The following SPATA13 variants were observed in gnomAD, a reference collection of about 807,000 sequenced individuals.
SPATA13 encodes spermatogenesis-associated protein 13.
In SPATA13, 50 loss-of-function variants were observed where a neutral mutation model predicts 104.0. That is an observed-to-expected ratio of 0.48 (90% CI 0.38 to 0.61). The LOEUF (loss-of-function observed/expected upper bound fraction) is 0.61. SPATA13 is among the 20% of genes least tolerant of loss of function. The pLI, the probability that SPATA13 is intolerant of heterozygous loss-of-function variation, is 0.00. For synonymous variants in SPATA13, 606 were observed against 667.5 expected, an observed-to-expected ratio of 0.91 and a Z score of 1.42; for missense variants, 1,524 against 1,690.6, an observed-to-expected ratio of 0.90 and a Z score of 1.73.
intron 3 of SPATA13, chr13:24,122,886 T>G: frequency 1.3e-6 from 1 of 774,460 alleles, no homozygotes; most frequent in Non-Finnish European, 2.4e-6. Flanking sequence ...AGGAACGACC[T>G]GTAAGCAGAT....
chr13:24,270,515 C>T (rs1301880810), intron 4 of SPATA13, among the ~76,000 whole-genome samples: 2 of 152,222 alleles, frequency 1.3e-5, no homozygotes, highest in Non-Finnish European at 2.9e-5. Context: ...AAGCAGCACA[C>T]ACCATTTCTC....
chr13:24,013,473 G>A (rs186054128), intron 2 of SPATA13, among the ~76,000 whole-genome samples: 229 of 152,326 alleles, frequency 1.5e-3, no homozygotes, highest in Middle Eastern at 0.01. Context: ...CTTGGGGACA[G>A]TGCCCAGGAT....
chr13:24,177,328 T>G (rs987391566), intron 1 of SPATA13, among the ~76,000 whole-genome samples: 2 of 152,188 alleles, frequency 1.3e-5, no homozygotes, highest in Non-Finnish European at 2.9e-5. Context: ...AATTATAAAT[T>G]TATTTCTTAC....
rs1877517545 is a variant in SPATA13 at position 24,032,430 on chromosome 13, T to G, written c.-112+14729T>G. ...TTAAACAGTCCACATGGTATTATTCTTAACAACCACTCATATGGCATTAGG... is the reference window on the plus strand; with the variant it reads ...TTAAACAGTCCACATGGTATTATTCGTAACAACCACTCATATGGCATTAGG... On this transcript the variant is annotated intron_variant, in intron 3 of 14. Transcript: ENST00000424834. Among the ~76,000 whole-genome samples the G allele has an allele frequency of 2.0e-5, 3 of 152,366 alleles. No individual in the cohort carries two copies. In the South Asian group the frequency reaches 6.2e-4, roughly 32 times the overall value.
chr13:24,173,113 C>T (rs553265366), intron 1 of SPATA13, among the ~76,000 whole-genome samples: 101 of 152,082 alleles, frequency 6.6e-4, no homozygotes, highest in Non-Finnish European at 1.0e-3. Flanking sequence ...AGTCTTGCTC[C>T]GTCATCCAGG....
In SPATA13 at chr13:24,088,902, C is replaced by T. The variant is rs1025684120; in HGVS notation, c.-112+71201C>T. Among the ~76,000 whole-genome samples the T allele has an allele frequency of 6.6e-6, 1 of 152,182 alleles. No homozygotes were observed. The highest frequency in any genetic ancestry group is 1.5e-5 in the Non-Finnish European group (1 of 68,042). ...GCAAGGGCTCCTGGGTCCACTGGTT[C>T]CTGTGCAGCAGGCAAAAGAGGTGGA... On this transcript the variant is annotated intron_variant, in intron 3 of 14. Transcript: ENST00000424834. This position sits in a 1 kb window ranked among gnomAD's most constrained non-coding sequence, Gnocchi z 4.3.
intron 4 of SPATA13, among the ~76,000 whole-genome samples, chr13:24,267,017 C>T (rs1566180664): frequency 6.6e-6 from 1 of 152,148 alleles, no homozygotes; most frequent in East Asian, 1.9e-4. Context: ...TCTTACTGAT[C>T]TGGTAAATGT....
intron 2 of SPATA13, among the ~76,000 whole-genome samples, chr13:24,013,904 T>C (rs1445241221): frequency 6.6e-6 from 1 of 152,136 alleles, no homozygotes; most frequent in Non-Finnish European, 1.5e-5. Flanking sequence ...GAGCAGGTAA[T>C]GGACTGTAGG....
At chr13:24,225,182 C>CT (rs1413271733) in intron 2 of SPATA13, among the ~76,000 whole-genome samples, 3 of 152,256 alleles carry the variant, frequency 2.0e-5, no homozygotes, top group African/African-American at 7.2e-5. Flanking sequence ...GATCCCATGC[C>CT]TGCCAAGGGC....
rs901519615 is a variant in SPATA13 at position 24,281,480 on chromosome 13, C to G, written c.2165-2655C>G. On this transcript the variant is annotated intron_variant, in intron 4 of 12. Coordinates refer to ENST00000382108, the MANE Select transcript of SPATA13 (RefSeq NM_001166271.3). ...CAAGGTTCCCTGGCTGTCGCGGTGT[C>G]CGGCGCACCTGTCTGGGTGGTTTCA... Among the ~76,000 whole-genome samples, 4 of 152,314 alleles carry G rather than the reference C, an allele frequency of 2.6e-5. No individual in the cohort carries two copies. In the East Asian group the frequency reaches 7.7e-4, roughly 29 times the overall value.
At chr13:24,191,132 ATTAAT>A (rs1869711634) in intron 1 of SPATA13, among the ~76,000 whole-genome samples, 1 of 152,130 alleles carries the variant, frequency 6.6e-6, no homozygotes, top group Non-Finnish European at 1.5e-5. Flanking sequence ...TATTAATTAA[ATTAAT>A]TAATTATTAT....
chr13:24,089,742 G>A (rs191561073), intron 3 of SPATA13, among the ~76,000 whole-genome samples: 22 of 152,254 alleles, frequency 1.4e-4, no homozygotes, highest in African/African-American at 5.1e-4. Flanking sequence ...ACCCATTTCT[G>A]CTGCCATAAC....
intron 2 of SPATA13, among the ~76,000 whole-genome samples, chr13:24,230,089 G>A (rs1387514707): frequency 6.6e-6 from 1 of 152,154 alleles, no homozygotes; most frequent in Non-Finnish European, 1.5e-5. Flanking sequence ...TTGGGCATGT[G>A]TGCAGAGATA....
chr13:24,086,093 G>A (rs904105332), intron 3 of SPATA13, among the ~76,000 whole-genome samples: 4 of 152,150 alleles, frequency 2.6e-5, no homozygotes, highest in East Asian at 1.9e-4. Context: ...CTGGAGAAAC[G>A]GTCAAATGGC....
chr13:24,263,692 A>G (rs1874166848), intron 4 of SPATA13, among the ~76,000 whole-genome samples: 1 of 152,250 alleles, frequency 6.6e-6, no homozygotes, highest in African/African-American at 2.4e-5. Context: ...AAGTCTGTAC[A>G]TATTCAGTAC....
intron 3 of SPATA13, among the ~76,000 whole-genome samples, chr13:24,020,534 C>A (rs1344427461): frequency 6.6e-6 from 1 of 152,170 alleles, no homozygotes; most frequent in African/African-American, 2.4e-5. Flanking sequence ...GAACCTTAAA[C>A]GAATTGTATT....
intron 3 of SPATA13, among the ~76,000 whole-genome samples, chr13:24,101,686 A>C (rs959726791): frequency 5.3e-5 from 8 of 152,188 alleles, no homozygotes; most frequent in African/African-American, 1.9e-4. Flanking sequence ...GTCTCTACTA[A>C]TCCGTAGAAG....
At chr13:24,123,034 T>G (rs1365077294) in intron 3 of SPATA13, 8 of 941,374 alleles carry the variant, frequency 8.5e-6, no homozygotes, top group Non-Finnish European at 1.4e-5. Context: ...ATTACTTGGT[T>G]AAATGTCATT....
At chr13:24,015,405 A>C (rs1456269513) in intron 2 of SPATA13, among the ~76,000 whole-genome samples, 1 of 152,242 alleles carries the variant, frequency 6.6e-6, no homozygotes, top group African/African-American at 2.4e-5. Flanking sequence ...TGTACATTTT[A>C]AGAAAATCCT....
Sources: allele counts gnomAD v4.1 joint callset (sites outside exome capture counted in the v4.1 genomes callset), GRCh38; gene constraint gnomAD v4.1.1; non-coding constraint Gnocchi (gnomAD v3.1); transcripts MANE v1.5; gene names NCBI Gene and HGNC (gene_info 2026-07-23, HGNC 2026-07-21).